Variants in PNLDC1 observed in about 807,000 individuals in gnomAD.
The protein encoded by PNLDC1 is poly(A)-specific ribonuclease PNLDC1.
PNLDC1 carries 70 observed loss-of-function variants against 82.0 expected under a neutral mutation model. The observed-to-expected ratio is 0.85, with a 90% CI of 0.70 to 1.04. The LOEUF (loss-of-function observed/expected upper bound fraction) is 1.04. PNLDC1 is among the 50% of genes least tolerant of loss of function. The pLI, the probability that PNLDC1 is intolerant of heterozygous loss-of-function variation, is 0.00. For missense variants in PNLDC1, 631 were observed against 661.1 expected, an observed-to-expected ratio of 0.95 and a Z score of 0.50; for synonymous variants, 280 against 249.3, an observed-to-expected ratio of 1.12 and a Z score of -1.16.
intron 15 of PNLDC1, 90 bp from the exon 16 acceptor site, chr6:159,818,465 T>A: frequency 8.4e-7 from 1 of 1,195,054 alleles, no homozygotes; most frequent in South Asian, 1.2e-5. Flanking sequence ...GGGAGTGTCC[T>A]TCTGTTCTGT....
intron 11 of PNLDC1, 99 bp downstream of exon 11, chr6:159,811,885 T>G (rs1583176847): frequency 2.3e-6 from 1 of 427,396 alleles, no homozygotes; most frequent in South Asian, 4.0e-5. Flanking sequence ...TTTTTGTTTT[T>G]TTTGTTTTGT....
chr6:159,804,323 T>G (rs959050252), intron 5 of PNLDC1, among the ~76,000 whole-genome samples: 3 of 152,166 alleles, frequency 2.0e-5, no homozygotes, highest in Admixed American at 1.3e-4. Flanking sequence ...AGGCTGGTCT[T>G]GAACTCCTAG....
chr6:159,809,275 C>G (rs939739217), intron 9 of PNLDC1, 117 bp downstream of exon 9: 1 of 1,345,728 alleles, frequency 7.4e-7, no homozygotes, highest in South Asian at 1.3e-5. Context: ...GATTCCTTCT[C>G]ATGAATTTTT....
In PNLDC1 at chr6:159,820,586, G is replaced by A. The variant is rs1438985927; in HGVS notation, c.*69G>A. On this transcript the variant is annotated 3_prime_UTR_variant, in exon 19 of 19. Coordinates refer to ENST00000392167, the MANE Select transcript of PNLDC1 (RefSeq NM_001271862.2). ...TCTGGGAGGTGTGCTGGGTGTGTTCGTGTAAATCAGATTCTGTTTGCAGAT... is the reference window on the plus strand; with the variant it reads ...TCTGGGAGGTGTGCTGGGTGTGTTCATGTAAATCAGATTCTGTTTGCAGAT... The A allele has an allele frequency of 1.4e-5, 20 of 1,430,614 alleles. No homozygotes were observed. The highest frequency in any genetic ancestry group is 4.2e-5 in the African/African-American group (3 of 71,082). 88.6% of individuals were successfully genotyped at this position (1,430,614 alleles called of 1,614,324 possible).
intron 3 of PNLDC1, 128 bp from the exon 4 acceptor site, chr6:159,803,143 T>C: frequency 5.8e-6 from 4 of 692,860 alleles, no homozygotes; most frequent in South Asian, 2.1e-5. Flanking sequence ...TCATTAAAGA[T>C]GTTATCCTGT....
At position 159,801,680 on chromosome 6, in the gene PNLDC1, G is replaced by A. The variant is rs559679077; in HGVS notation, c.208+494G>A. Reference sequence around the variant, plus strand: ...AGGCTGTTCTTGACTTCCTGGGCTCGAGCAATCTTTCTGCCTCTGCCTCTC... The same window carrying A: ...AGGCTGTTCTTGACTTCCTGGGCTCAAGCAATCTTTCTGCCTCTGCCTCTC... On this transcript the variant is annotated intron_variant, in intron 3 of 18. Transcript: ENST00000392167. 1.3e-4 allele frequency among the ~76,000 whole-genome samples: 19 copies of A among 151,806 alleles called. No homozygotes were observed. In the East Asian group the frequency reaches 3.5e-3, roughly 28 times the overall value.
chr6:159,800,882 GTT>G, intron 2 of PNLDC1, 53 bp downstream of exon 2: 1 of 1,610,282 alleles, frequency 6.2e-7, no homozygotes, highest in Non-Finnish European at 8.5e-7. Flanking sequence ...GACCAGCACT[GTT>G]TCTGGCCAGC....
At chr6:159,811,522 G>A (rs1781644994) in intron 10 of PNLDC1, among the ~76,000 whole-genome samples, 179 bp from the exon 11 acceptor site, 1 of 152,210 alleles carries the variant, frequency 6.6e-6, no homozygotes, top group Non-Finnish European at 1.5e-5. Context: ...AAGTGGTGAT[G>A]GCAGCTTGAT....
intron 14 of PNLDC1, 66 bp downstream of exon 14, chr6:159,816,662 C>CAGAAAAA: frequency 7.3e-7 from 1 of 1,371,932 alleles, no homozygotes; most frequent in Non-Finnish European, 1.0e-6. Context: ...GACAGGGTCT[C>CAGAAAAA]ACTCTGTTGC....
intron 10 of PNLDC1, among the ~76,000 whole-genome samples, chr6:159,811,246 T>C (rs1052200132): frequency 6.6e-6 from 1 of 152,224 alleles, no homozygotes; most frequent in Non-Finnish European, 1.5e-5. Context: ...CCTCTTTAGG[T>C]GCAGGTATAA....
At chr6:159,817,564 G>T (rs116438519) in intron 15 of PNLDC1, among the ~76,000 whole-genome samples, 52 of 152,342 alleles carry the variant, frequency 3.4e-4, no homozygotes, top group African/African-American at 1.2e-3. Context: ...CATATCCTTT[G>T]TTGGGGGCAC....
chr6:159,805,549 T>G (rs1476194104), intron 6 of PNLDC1: 4 of 153,610 alleles, frequency 2.6e-5, no homozygotes, highest in Non-Finnish European at 2.9e-5. Flanking sequence ...GAGAAAGGCC[T>G]TTCCTTATCT....
Position 159,818,654 on chromosome 6 carries a change from C to G in PNLDC1, c.1257C>G (p.Ile419Met), listed in dbSNP as rs142457687. Reference protein sequence around the residue: ...VNLIRAGVPKINFSGPDYPSI... With the variant: ...VNLIRAGVPKMNFSGPDYPSI... ...TCATCCGAGCGGGGGTCCCAAAGATCGTGAGTAGATCTCATTTGGCCCCCT... is the reference window on the plus strand; with the variant it reads ...TCATCCGAGCGGGGGTCCCAAAGATGGTGAGTAGATCTCATTTGGCCCCCT... The change falls in exon 16 of 19, where the codon ATC (isoleucine) becomes ATG (methionine). Residue 419 changes from isoleucine (I) to methionine (M), a missense_variant and splice_region_variant. Ile to Met is a conservative substitution (Grantham distance 10). Coordinates refer to ENST00000392167, the MANE Select transcript of PNLDC1 (RefSeq NM_001271862.2). 1.9e-6 allele frequency: 3 copies of G among 1,612,470 alleles called. No individual in the cohort carries two copies. The highest frequency in any genetic ancestry group is 1.7e-6 in the Non-Finnish European group (2 of 1,179,046).
intron 7 of PNLDC1, among the ~76,000 whole-genome samples, chr6:159,807,195 A>G (rs1681286829): frequency 6.6e-6 from 1 of 152,140 alleles, no homozygotes; most frequent in Admixed American, 6.5e-5. Flanking sequence ...ACCCGGCCCC[A>G]TGAAATATCA....
intron 1 of PNLDC1, 148 bp from the exon 2 acceptor site, chr6:159,800,624 T>A (rs752127789): frequency 6.3e-7 from 1 of 1,593,402 alleles, no homozygotes. Flanking sequence ...CTCCTTGCCT[T>A]GGTTCCTCCA....
At position 159,811,778 on chromosome 6, in the gene PNLDC1, A is replaced by G. The variant is rs150377858; in HGVS notation, c.931A>G (p.Ile311Val). The G allele has an allele frequency of 8.7e-6, 14 of 1,608,524 alleles. No homozygotes were observed. Among genetic ancestry groups the G allele is most frequent in the Non-Finnish European group, 1.2e-5 (14 of 1,175,066 alleles). Residue 311 changes from isoleucine to valine, a missense_variant, in exon 11 of 19, where the codon ATC becomes GTC. Transcript: ENST00000392167. ...LIDTKSVTKD[I>V]WKEMNFPRVS... ...TGATACCAAGAGTGTAACAAAGGAT[A>G]TCTGGAAGGTAATGAATAGAACTGC...
chr6:159,814,763 CTCTG>C (rs1781759907), intron 12 of PNLDC1, among the ~76,000 whole-genome samples: 1 of 152,180 alleles, frequency 6.6e-6, no homozygotes, highest in Non-Finnish European at 1.5e-5. Flanking sequence ...TACTTAATCT[CTCTG>C]TGCCTCAGTT....
chr6:159,819,143 T>TC lies in PNLDC1; in HGVS notation c.1433+27dup. 6.2e-7 allele frequency: 1 copy of TC among 1,612,278 alleles called. No individual in the cohort carries two copies. The highest frequency in any genetic ancestry group is 8.5e-7 in the Non-Finnish European group (1 of 1,178,838). On this transcript the variant is annotated intron_variant, in intron 17 of 18. Coordinates refer to ENST00000392167, the MANE Select transcript of PNLDC1 (RefSeq NM_001271862.2). The surrounding 1 kb of genome is among the most constrained non-coding windows in gnomAD (Gnocchi z 4.6). ...AGGAGTAGGTGCCTCTAAGTCCGCGTCCCCCACCCCTCGTGCGTTCATCCC... is the reference window on the plus strand; with the variant it reads ...AGGAGTAGGTGCCTCTAAGTCCGCGTCCCCCCACCCCTCGTGCGTTCATCCC...
chr6:159,816,532 A>AT lies in PNLDC1; in HGVS notation c.1061-11_1061-10insT. ...CTCAATTCTCTGTCCTCCTGGTGGA[A>AT]AATGCCTCAGTTGAGACAAAGTGCC... On this transcript the variant is annotated splice_polypyrimidine_tract_variant and intron_variant, in intron 13 of 18. Coordinates refer to ENST00000392167, the MANE Select transcript of PNLDC1 (RefSeq NM_001271862.2). The AT allele has an allele frequency of 6.2e-7, 1 of 1,613,550 alleles. No homozygotes were observed. The highest frequency in any genetic ancestry group is 1.3e-5 in the African/African-American group (1 of 74,968).
Sources: gnomAD v4.1 joint callset for allele counts (sites outside exome capture counted in the v4.1 genomes callset) on GRCh38, gnomAD v4.1.1 for gene constraint, Gnocchi (gnomAD v3.1) non-coding constraint, MANE v1.5 for transcripts, NCBI Gene and HGNC (gene_info 2026-07-23, HGNC 2026-07-21) for gene names.